The following KRT79 variants were observed in gnomAD, a reference collection of about 807,000 sequenced individuals.
KRT79 encodes keratin 79.
In KRT79, 51 loss-of-function variants were observed where a neutral mutation model predicts 49.0. The ratio of observed to expected loss-of-function variants is 1.04; its 90% confidence interval spans 0.83 to 1.31. The LOEUF (loss-of-function observed/expected upper bound fraction) is 1.31. Among genes scored for constraint, KRT79 ranks in the 40% most tolerant of loss-of-function variants. KRT79 has a pLI of 0.00. For synonymous variants in KRT79, 312 were observed against 286.6 expected, an observed-to-expected ratio of 1.09 and a Z score of -0.90; for missense variants, 728 against 688.0, an observed-to-expected ratio of 1.06 and a Z score of -0.65.
At chr12:52,824,122 C>T in intron 5 of KRT79, 76 bp downstream of exon 5, 3 of 1,611,490 alleles carry the variant, frequency 1.9e-6, no homozygotes, top group Admixed American at 1.7e-5. Flanking sequence ...CCAAGGGTCC[C>T]AGAGGCCCAA....
At chr12:52,822,458 T>C in intron 7 of KRT79, 79 bp from the exon 8 acceptor site, 1 of 931,528 alleles carries the variant, frequency 1.1e-6, no homozygotes, top group African/African-American at 1.7e-5. Context: ...CCCTCTGCCT[T>C]TACATTGGAT....
intron 4 of KRT79, among the ~76,000 whole-genome samples, chr12:52,829,263 C>G (rs1422891356): frequency 6.6e-6 from 1 of 152,172 alleles, no homozygotes; most frequent in Admixed American, 6.5e-5. Context: ...ATTCTTTAAT[C>G]TACCCACGCC....
At chr12:52,822,214 A>G in intron 8 of KRT79, 131 bp downstream of exon 8, 1 of 1,261,220 alleles carries the variant, frequency 7.9e-7, no homozygotes, top group Non-Finnish European at 1.1e-6. Flanking sequence ...CAGAACTAGG[A>G]CCCTCTGAAC....
chr12:52,833,896 C>G lies in KRT79; in HGVS notation c.365G>C (p.Ser122Thr), dbSNP rs775213439. Residue 122 changes from serine (S) to threonine (T), a missense_variant, in exon 1 of 9, where the codon AGC becomes ACC. Physicochemically the swap from Ser to Thr is moderately conservative, Grantham distance 58. Transcript: ENST00000330553. ...GGIQEVTVNQ[S>T]LLTPLHVEID... is the part of the protein sequence containing the mutation. ...CTCCACATGGAGGGGGGTCAGCAGG[C>G]TCTGGTTGACAGTGACCTCCTGGAT... 6.2e-7 allele frequency: 1 copy of G among 1,613,960 alleles called. No individual in the cohort carries two copies. The highest frequency in any genetic ancestry group is 1.1e-5 in the South Asian group (1 of 91,052).
chr12:52,830,135 A>G lies in KRT79; in HGVS notation c.760-17T>C, dbSNP rs1199607017. 6.2e-7 allele frequency: 1 copy of G among 1,613,486 alleles called. No homozygotes were observed. Among genetic ancestry groups the G allele is most frequent in the African/African-American group, 1.3e-5 (1 of 74,914 alleles). On this transcript the variant is annotated splice_polypyrimidine_tract_variant and intron_variant, in intron 3 of 8. Transcript: ENST00000330553. ...ATCCACATCCTGGGGACGAGAGAGC[A>G]AGACAGATCCTCAGGCCCCAGGGAT...
chr12:52,823,772 GC>G, intron 6 of KRT79, 114 bp downstream of exon 6: 1 of 1,240,148 alleles, frequency 8.1e-7, no homozygotes, highest in Non-Finnish European at 1.1e-6. Context: ...GTGATCAATG[GC>G]CTAGCATTCT....
At chr12:52,833,106 G>T (rs1016185856) in intron 1 of KRT79, among the ~76,000 whole-genome samples, 1 of 152,182 alleles carries the variant, frequency 6.6e-6, no homozygotes, top group African/African-American at 2.4e-5. Context: ...CTGGAGGCAA[G>T]GGCAAGGTTC....
In KRT79 at chr12:52,829,345, A is replaced by G. The variant is rs551201195; in HGVS notation, c.855+678T>C. On this transcript the variant is annotated intron_variant, in intron 4 of 8. Transcript: ENST00000330553. ...TTCCTGCTCCCTCATCCCTTGCTCC[A>G]TTACAAACCGGGCAGGAAGAGGGCA... 3.3e-5 allele frequency among the ~76,000 whole-genome samples: 5 copies of G among 152,198 alleles called. No homozygotes were observed. The South Asian group carries it at 8.3e-4, about 25-fold the overall frequency.
chr12:52,833,841 A>C lies in KRT79; in HGVS notation c.420T>G (p.Thr140=). 2 of 1,613,140 alleles carry C rather than the reference A, an allele frequency of 1.2e-6. No homozygotes were observed. ...EIDPEIQRVR[T]QEREQIKTLN... ...GGGTCTTGATCTGCTCCCGCTCCTG[A>C]GTGCGCACTCGCTGGATCTCGGGGT... Residue 140 remains threonine, a synonymous_variant, in exon 1 of 9, where the codon ACT becomes ACG. Coordinates refer to ENST00000330553, the MANE Select transcript of KRT79 (RefSeq NM_175834.3).
chr12:52,833,804 A>G lies in KRT79; in HGVS notation c.457T>C (p.Phe153Leu). The part of the protein sequence containing the change: ...REQIKTLNNK[F>L]ASFIDKVRFL... Reference sequence around the variant, plus strand: ...CCCACCTTGTCGATGAAGGAGGCGAACTTGTTGTTGAGGGTCTTGATCTGC... The same window carrying G: ...CCCACCTTGTCGATGAAGGAGGCGAGCTTGTTGTTGAGGGTCTTGATCTGC... Residue 153 changes from phenylalanine (F) to leucine (L), a missense_variant, in exon 1 of 9, where the codon TTC (phenylalanine) becomes CTC (leucine). Transcript: ENST00000330553. 1 of 1,613,296 alleles carries G rather than the reference A, an allele frequency of 6.2e-7. No homozygotes were observed. Among genetic ancestry groups the G allele is most frequent in the Non-Finnish European group, 8.5e-7 (1 of 1,179,872 alleles).
At chr12:52,832,898 G>A (rs1335349168) in intron 1 of KRT79, among the ~76,000 whole-genome samples, 13 of 152,182 alleles carry the variant, frequency 8.5e-5, no homozygotes, top group African/African-American at 3.1e-4. Flanking sequence ...CCATTTCTGA[G>A]TCTTCATAGA....
chr12:52,824,816 T>G (rs1247817258), intron 4 of KRT79, among the ~76,000 whole-genome samples: 2 of 152,030 alleles, frequency 1.3e-5, no homozygotes, highest in African/African-American at 4.8e-5. Context: ...TGCACCACCA[T>G]CCACAGTAGT....
chr12:52,827,955 C>T (rs1281247943), intron 4 of KRT79, among the ~76,000 whole-genome samples: 1 of 152,078 alleles, frequency 6.6e-6, no homozygotes, highest in East Asian at 1.9e-4. Context: ...GGAAGGAACG[C>T]CCTGGTCATC....
At chr12:52,822,172 C>T in intron 8 of KRT79, 95 bp from the exon 9 acceptor site, 1 of 1,398,304 alleles carries the variant, frequency 7.2e-7, no homozygotes, top group East Asian at 2.4e-5. Flanking sequence ...CAAAATCAAG[C>T]AGCAGAGCTA....
Position 52,824,206 on chromosome 12 carries a change from G to A in KRT79, c.1012C>T (p.Gln338Ter), listed in dbSNP as rs1327432134. ...CCAGCTATGCCTCTCACCTTGGTCT[G>A]GTACCAGGCCTCGGCCTCAGCCCGG... ...RSRAEAEAWY[Q>*]TKYEELQVTA... The change falls in exon 5 of 9, where the codon CAG becomes TAG. Residue 338 changes from glutamine to a stop codon, truncating the protein, a stop_gained. Coordinates refer to ENST00000330553, the MANE Select transcript of KRT79 (RefSeq NM_175834.3). LOFTEE classifies it high-confidence loss of function. The A allele has an allele frequency of 1.2e-6, 2 of 1,614,210 alleles. No individual in the cohort carries two copies. Among genetic ancestry groups the A allele is most frequent in the Admixed American group, 1.7e-5 (1 of 60,032 alleles).
intron 1 of KRT79, 30 bp downstream of exon 1, chr12:52,833,754 A>G (rs1378937119): frequency 1.3e-6 from 2 of 1,569,592 alleles, no homozygotes; most frequent in African/African-American, 2.7e-5. Context: ...CTTCCCCAAG[A>G]GCTCCCTTCC....
chr12:52,829,984 T>C (rs747542352), intron 4 of KRT79, 39 bp downstream of exon 4: 3 of 1,546,330 alleles, frequency 1.9e-6, no homozygotes, highest in South Asian at 1.1e-5. Context: ...GTGCTGTTTA[T>C]AGTGTATGCA....
Position 52,823,913 on chromosome 12 carries a change from C to A in KRT79, c.1120G>T (p.Gly374Trp), listed in dbSNP as rs779352445. 1.2e-6 allele frequency: 2 copies of A among 1,613,914 alleles called. No individual in the cohort carries two copies. Among genetic ancestry groups the A allele is most frequent in the Non-Finnish European group, 8.5e-7 (1 of 1,179,972 alleles). Reference sequence around the variant, plus strand: ...TGCTTCTTGGCTGCATCAGCCTCCCCCTGCAGCCTCTGGATAGTGCGGGTG... The same window carrying A: ...TGCTTCTTGGCTGCATCAGCCTCCCACTGCAGCCTCTGGATAGTGCGGGTG... ...ELTRTIQRLQ[G>W]EADAAKKQCQ... is the part of the protein sequence containing the mutation. Residue 374 changes from glycine to tryptophan, a missense_variant, in exon 6 of 9, where the codon GGG (glycine) becomes TGG (tryptophan). Physicochemically the swap from Gly to Trp is radical, Grantham distance 184. Transcript: ENST00000330553.
intron 4 of KRT79, among the ~76,000 whole-genome samples, chr12:52,826,531 AG>A (rs907011621): frequency 7.1e-6 from 1 of 141,648 alleles, no homozygotes; most frequent in Non-Finnish European, 1.5e-5. Context: ...AAAAAAAAAA[AG>A]TCAGGCTTTC....
Sources: allele counts gnomAD v4.1 joint callset (sites outside exome capture counted in the v4.1 genomes callset), GRCh38; gene constraint gnomAD v4.1.1; transcripts MANE v1.5; gene names NCBI Gene and HGNC (gene_info 2026-07-23, HGNC 2026-07-21).